The following MAGI2 variants were observed in gnomAD, a reference collection of about 807,000 sequenced individuals.
MAGI2 encodes the protein membrane-associated guanylate kinase, WW and PDZ domain-containing protein 2.
In MAGI2, 35 loss-of-function variants were observed where a neutral mutation model predicts 133.3. The observed-to-expected ratio is 0.26, with a 90% confidence interval of 0.20 to 0.35. The LOEUF (loss-of-function observed/expected upper bound fraction) is 0.35. Among genes scored for constraint, MAGI2 ranks in the 10% least tolerant of loss-of-function variants. The pLI is 1.00. For synonymous variants in MAGI2, 729 were observed against 710.6 expected (o/e 1.03, Z -0.41); for missense variants, 1,636 against 1,863.4 (o/e 0.88, Z 2.25).
Position 79,280,430 on chromosome 7 carries a change from G to A in MAGI2, c.301+172590C>T, listed in dbSNP as rs117611379. 3.1e-3 allele frequency among the ~76,000 whole-genome samples: 469 copies of A among 152,182 alleles called. 1 individual carries two copies. Among genetic ancestry groups the A allele is most frequent in the Non-Finnish European group, 5.1e-3 (347 of 68,030 alleles). ...AAGTCCAATGGAATCTAGGATGTAA[G>A]AGGTATCAAAAAGTCCTTGTAAAGG... On this transcript the variant is annotated intron_variant, in intron 1 of 21. Coordinates refer to ENST00000354212, the MANE Select transcript of MAGI2 (RefSeq NM_012301.4).
intron 21 of MAGI2, among the ~76,000 whole-genome samples, chr7:78,043,388 A>G (rs762536858): frequency 1.2e-4 from 18 of 152,196 alleles, no homozygotes; most frequent in South Asian, 1.0e-3. Flanking sequence ...GCCAGTTTGT[A>G]TAATACTCTG....
chr7:78,234,855 GCT>G (rs113457402), intron 10 of MAGI2, among the ~76,000 whole-genome samples: 95 of 152,164 alleles, frequency 6.2e-4, no homozygotes, highest in Admixed American at 1.6e-3. Flanking sequence ...TTAAATTTCT[GCT>G]CTCATGCATA....
At chr7:79,097,427 T>A (rs1817611580) in intron 1 of MAGI2, among the ~76,000 whole-genome samples, 1 of 152,186 alleles carries the variant, frequency 6.6e-6, no homozygotes, top group Non-Finnish European at 1.5e-5. Context: ...GGATCTGTTA[T>A]GTTGAGATGT....
chr7:78,870,522 G>A (rs2151520325), intron 2 of MAGI2, among the ~76,000 whole-genome samples: 1 of 152,234 alleles, frequency 6.6e-6, no homozygotes, highest in Non-Finnish European at 1.5e-5. Flanking sequence ...CTGCAGGAAT[G>A]GCCATGATTA....
chr7:78,581,533 CATTTT>C (rs1802838642), intron 3 of MAGI2, among the ~76,000 whole-genome samples: 1 of 152,156 alleles, frequency 6.6e-6, no homozygotes, highest in Non-Finnish European at 1.5e-5. Context: ...TAACTTCACA[CATTTT>C]ATTTTCTAGA....
At chr7:78,073,016 T>C (rs1010120441) in intron 21 of MAGI2, 1 of 398,564 alleles carries the variant, frequency 2.5e-6, no homozygotes, top group Non-Finnish European at 4.4e-6. Flanking sequence ...GCTATCTACA[T>C]AGAGGCCAGT....
At chr7:78,676,664 C>T (rs763709285) in intron 2 of MAGI2, among the ~76,000 whole-genome samples, 1 of 151,834 alleles carries the variant, frequency 6.6e-6, no homozygotes, top group South Asian at 2.1e-4. Flanking sequence ...TTTGAAAAAC[C>T]GGTGTTTTCA....
intron 2 of MAGI2, among the ~76,000 whole-genome samples, chr7:78,826,308 C>T (rs1305318325): frequency 2.7e-5 from 4 of 145,976 alleles, no homozygotes; most frequent in Non-Finnish European, 4.5e-5. Flanking sequence ...AAGCCGAGAT[C>T]GCGCCACTGC....
intron 3 of MAGI2, among the ~76,000 whole-genome samples, chr7:78,563,809 C>A (rs907256318): frequency 6.6e-6 from 1 of 152,126 alleles, no homozygotes; most frequent in Non-Finnish European, 1.5e-5. Flanking sequence ...ATCCAATGAA[C>A]AAGATTATAG....
At chr7:78,495,302 C>A (rs1793987179) in intron 5 of MAGI2, among the ~76,000 whole-genome samples, 1 of 152,060 alleles carries the variant, frequency 6.6e-6, no homozygotes, top group Non-Finnish European at 1.5e-5. Context: ...GTGATGCTCC[C>A]CTCCCTGTGT....
At chr7:78,665,900 A>G (rs1813516182) in intron 2 of MAGI2, among the ~76,000 whole-genome samples, 1 of 152,128 alleles carries the variant, frequency 6.6e-6, no homozygotes, top group South Asian at 2.1e-4. Flanking sequence ...ATCTTTATGG[A>G]GCTTACAGTT....
intron 1 of MAGI2, among the ~76,000 whole-genome samples, chr7:79,235,315 G>T (rs1446860140): frequency 6.6e-6 from 1 of 152,178 alleles, no homozygotes; most frequent in African/African-American, 2.4e-5. Flanking sequence ...GCTGTGGTGG[G>T]CTCCACCCAG....
At chr7:78,795,279 A>T (rs1048171756) in intron 2 of MAGI2, among the ~76,000 whole-genome samples, 2 of 151,998 alleles carry the variant, frequency 1.3e-5, no homozygotes, top group African/African-American at 4.8e-5. Context: ...ATACAATGTA[A>T]CAATCTTATA....
At chr7:78,893,739 CGGGG>C (rs1053501996) in intron 2 of MAGI2, among the ~76,000 whole-genome samples, 6 of 141,134 alleles carry the variant, frequency 4.3e-5, no homozygotes, top group African/African-American at 1.3e-4. Flanking sequence ...GGGTTGGGGG[CGGGG>C]GAGGGATAGC....
intron 3 of MAGI2, chr7:78,568,165 T>C (rs917096128): frequency 6.6e-6 from 1 of 152,258 alleles, no homozygotes; most frequent in Non-Finnish European, 1.5e-5. Context: ...AATGTTTAAG[T>C]TCTAAATGTT....
intron 9 of MAGI2, among the ~76,000 whole-genome samples, chr7:78,331,958 A>G (rs187944580): frequency 1.3e-4 from 20 of 152,366 alleles, no homozygotes; most frequent in Non-Finnish European, 2.5e-4. Context: ...TAAAATCATC[A>G]TGCATATCAT....
intron 2 of MAGI2, among the ~76,000 whole-genome samples, chr7:78,821,463 G>A (rs1790103720): frequency 6.6e-6 from 1 of 151,916 alleles, no homozygotes. Context: ...GGCTATTTTA[G>A]AAATGGAGTA....
At chr7:79,010,823 T>C (rs1403310775) in intron 1 of MAGI2, 1 of 152,094 alleles carries the variant, frequency 6.6e-6, no homozygotes, top group Non-Finnish European at 1.5e-5. Context: ...TGTAGACAAG[T>C]ATTAAATGCC....
chr7:78,507,383 T>C (rs902525722), intron 4 of MAGI2, among the ~76,000 whole-genome samples: 1 of 152,166 alleles, frequency 6.6e-6, no homozygotes, highest in Admixed American at 6.6e-5. Context: ...GGGTAGAATC[T>C]GTTCCCAGAA....
Sources: gnomAD v4.1 joint callset for allele counts (sites outside exome capture counted in the v4.1 genomes callset) on GRCh38, gnomAD v4.1.1 for gene constraint, MANE v1.5 for transcripts, NCBI Gene and HGNC (gene_info 2026-07-23, HGNC 2026-07-21) for gene names.